The following MACROD2 variants were observed in gnomAD, a reference collection of about 807,000 sequenced individuals.
The protein encoded by MACROD2 is mono-ADP ribosylhydrolase 2, also known as ADP-ribose glycohydrolase MACROD2.
In MACROD2, 36 loss-of-function variants were observed where a neutral mutation model predicts 70.4. The observed-to-expected ratio is 0.51, with a 90% CI of 0.39 to 0.68. The LOEUF (loss-of-function observed/expected upper bound fraction) is 0.68, where lower values mean the gene tolerates loss of function less well. Ranked by LOEUF, MACROD2 falls within the 30% of genes least tolerant of loss-of-function variation. The pLI is 0.00. For synonymous variants in MACROD2, 172 were observed against 178.8 expected, an observed-to-expected ratio of 0.96 and a Z score of 0.30; for missense variants, 496 against 538.4, an observed-to-expected ratio of 0.92 and a Z score of 0.78.
At chr20:14,277,230 G>A (rs114700017) in intron 3 of MACROD2, among the ~76,000 whole-genome samples, 2,313 of 152,120 alleles carry the variant, frequency 0.015, 24 homozygotes, top group African/African-American at 0.027. Context: ...GGGGCGGATC[G>A]TGAGTTCAGG....
At chr20:15,524,674 T>C (rs77455801) in intron 8 of MACROD2, among the ~76,000 whole-genome samples, 3,684 of 152,238 alleles carry the variant, frequency 0.024, 144 homozygotes, top group African/African-American at 0.083. Flanking sequence ...AATTGTATAA[T>C]AGAGGGACTT....
At chr20:14,230,654 T>TATAAAAAAAA in intron 3 of MACROD2, among the ~76,000 whole-genome samples, 3 of 74,244 alleles carry the variant, frequency 4.0e-5, no homozygotes, top group East Asian at 1.2e-3. Flanking sequence ...TATATATATA[T>TATAAAAAAAA]AACACAGGCT....
At chr20:14,469,074 TC>T (rs1158285234) in intron 3 of MACROD2, among the ~76,000 whole-genome samples, 10 of 151,960 alleles carry the variant, frequency 6.6e-5, no homozygotes, top group African/African-American at 2.2e-4. Context: ...ATCGGTTTTT[TC>T]TTTCCATATT....
intron 3 of MACROD2, among the ~76,000 whole-genome samples, chr20:14,152,858 C>G (rs1198630051): frequency 6.6e-6 from 1 of 152,118 alleles, no homozygotes; most frequent in African/African-American, 2.4e-5. Context: ...TGGATTCTAT[C>G]ATAATGTGAT....
intron 5 of MACROD2, among the ~76,000 whole-genome samples, chr20:14,878,816 C>T (rs2073579188): frequency 1.3e-5 from 2 of 152,076 alleles, no homozygotes; most frequent in Admixed American, 1.3e-4. Flanking sequence ...GCTCAAATTA[C>T]ACTCTTCCAG....
At chr20:15,897,715 T>C (rs1475468232) in intron 10 of MACROD2, among the ~76,000 whole-genome samples, 1 of 152,156 alleles carries the variant, frequency 6.6e-6, no homozygotes, top group African/African-American at 2.4e-5. Flanking sequence ...TTTTATTTGG[T>C]TCCTTTTCAA....
intron 5 of MACROD2, among the ~76,000 whole-genome samples, chr20:15,062,977 G>A (rs409793): frequency 0.18 from 26,703 of 152,108 alleles, 2,811 homozygotes; most frequent in Non-Finnish European, 0.23. Context: ...ATGGGATTTG[G>A]GGACAATATG....
intron 3 of MACROD2, among the ~76,000 whole-genome samples, chr20:14,380,203 GA>G (rs1295539123): frequency 6.6e-6 from 1 of 152,060 alleles, no homozygotes; most frequent in Non-Finnish European, 1.5e-5. Context: ...AATGATTAAT[GA>G]TATTGAGCAT....
At chr20:14,550,033 A>T (rs2123257935) in intron 4 of MACROD2, among the ~76,000 whole-genome samples, 1 of 151,534 alleles carries the variant, frequency 6.6e-6, no homozygotes, top group Middle Eastern at 3.4e-3. Flanking sequence ...GGTTCAAGCA[A>T]TTCTTCTGCC....
intron 6 of MACROD2, among the ~76,000 whole-genome samples, chr20:15,424,083 C>T (rs1394757814): frequency 6.6e-6 from 1 of 152,038 alleles, no homozygotes; most frequent in Non-Finnish European, 1.5e-5. Flanking sequence ...GAGGCCTCCA[C>T]CCTCATGACC....
chr20:14,850,070 C>T, intron 5 of MACROD2: 1 of 470,630 alleles, frequency 2.1e-6, no homozygotes, highest in Non-Finnish European at 4.2e-6. Flanking sequence ...AATGAAATCT[C>T]AATACTTGTG....
chr20:14,789,637 G>C (rs935233865), intron 5 of MACROD2, among the ~76,000 whole-genome samples: 4 of 151,348 alleles, frequency 2.6e-5, no homozygotes, highest in Non-Finnish European at 5.9e-5. Context: ...CACCATGCCT[G>C]GCTAATTTTT....
intron 12 of MACROD2, among the ~76,000 whole-genome samples, chr20:15,951,702 C>T (rs145218781): frequency 5.8e-4 from 88 of 152,176 alleles, no homozygotes; most frequent in Non-Finnish European, 4.3e-4. Context: ...AGAACAAACA[C>T]AAATATGTGC....
At chr20:14,758,051 C>T (rs1329144480) in intron 5 of MACROD2, 1 of 611,260 alleles carries the variant, frequency 1.6e-6, no homozygotes, top group East Asian at 2.8e-5. Context: ...TCGGCCACCT[C>T]AATAAATTTG....
chr20:15,481,652 C>T (rs1196930173), intron 7 of MACROD2, among the ~76,000 whole-genome samples: 3 of 151,494 alleles, frequency 2.0e-5, no homozygotes, highest in Admixed American at 1.3e-4. Context: ...CTCATGCTTT[C>T]GTTGTATAGC....
intron 5 of MACROD2, among the ~76,000 whole-genome samples, chr20:14,695,607 A>AG (rs2071115617): frequency 6.6e-6 from 1 of 152,176 alleles, no homozygotes; most frequent in Non-Finnish European, 1.5e-5. Flanking sequence ...CCATGTTGTG[A>AG]GGGAACTCAG....
At chr20:15,227,604 A>G (rs2076918255) in intron 5 of MACROD2, among the ~76,000 whole-genome samples, 1 of 152,182 alleles carries the variant, frequency 6.6e-6, no homozygotes, top group Admixed American at 6.5e-5. Context: ...CAATGGGAAC[A>G]AGATTGCCAA....
intron 4 of MACROD2, among the ~76,000 whole-genome samples, chr20:14,683,430 C>T (rs1157820419): frequency 6.6e-6 from 1 of 152,148 alleles, no homozygotes; most frequent in Non-Finnish European, 1.5e-5. Flanking sequence ...ATGTTTAAGT[C>T]TGGATTTCAA....
chr20:15,214,365 G>A (rs2145953202), intron 5 of MACROD2, among the ~76,000 whole-genome samples: 1 of 152,070 alleles, frequency 6.6e-6, no homozygotes, highest in Admixed American at 6.6e-5. Context: ...AGATTCCCAG[G>A]CCCAGAGGAT....
Sources: allele counts gnomAD v4.1 joint callset (sites outside exome capture counted in the v4.1 genomes callset), GRCh38; gene constraint gnomAD v4.1.1; transcripts MANE v1.5; gene names NCBI Gene and HGNC (gene_info 2026-07-23, HGNC 2026-07-21).